The following CHODL variants were observed in gnomAD, a reference collection of about 807,000 sequenced individuals.
CHODL encodes the protein chondrolectin, also known as transmembrane protein MT75.
Under a neutral mutation model 34.5 loss-of-function variants are expected in CHODL, and 29 were observed. The observed-to-expected ratio is 0.84, with a 90% CI of 0.63 to 1.15. CHODL has a LOEUF of 1.15. Among genes scored for constraint, CHODL ranks in the 50% most tolerant of loss-of-function variants. The pLI is 0.00. For missense variants in CHODL, 332 were observed against 332.5 expected, an observed-to-expected ratio of 1.00 and a Z score of 0.01; for synonymous variants, 125 against 116.1, an observed-to-expected ratio of 1.08 and a Z score of -0.49.
At chr21:18,239,874 G>A (rs899096530), upstream of CHODL, among the ~76,000 whole-genome samples, 2 of 151,858 alleles carry the variant, frequency 1.3e-5, no homozygotes, top group African/African-American at 2.4e-5. Context: ...ATTAAATGAG[G>A]ATATAGCCAT....
chr21:18,124,599 TA>T (rs1284497050), intron 2 of CHODL, among the ~76,000 whole-genome samples: 1 of 152,198 alleles, frequency 6.6e-6, no homozygotes, highest in Non-Finnish European at 1.5e-5. Flanking sequence ...TTTTAAGATT[TA>T]AAAAATTTTC....
chr21:17,999,259 C>T (rs889084037), intron 1 of CHODL, among the ~76,000 whole-genome samples: 1 of 152,192 alleles, frequency 6.6e-6, no homozygotes, highest in Non-Finnish European at 1.5e-5. Context: ...TCAGCCTGGA[C>T]CTTATTGTTC....
intron 1 of CHODL, among the ~76,000 whole-genome samples, chr21:18,026,375 A>T (rs1321063201): frequency 2.6e-5 from 4 of 152,176 alleles, no homozygotes; most frequent in Admixed American, 2.0e-4. Flanking sequence ...AAATGCATTA[A>T]TAATTTCAAA....
At chr21:17,976,733 A>C (rs2063666109) in intron 1 of CHODL, among the ~76,000 whole-genome samples, 1 of 152,126 alleles carries the variant, frequency 6.6e-6, no homozygotes, top group East Asian at 1.9e-4. Flanking sequence ...TTTGTTTTTT[A>C]AATATATTCT....
At chr21:17,945,024 CAG>C (rs2063394537) in intron 1 of CHODL, among the ~76,000 whole-genome samples, 1 of 151,442 alleles carries the variant, frequency 6.6e-6, no homozygotes. Context: ...TCCTGGCTAA[CAG>C]GGTGAAACCC....
intron 1 of CHODL, among the ~76,000 whole-genome samples, chr21:17,939,166 A>G (rs2063343919): frequency 6.6e-6 from 1 of 152,182 alleles, no homozygotes; most frequent in South Asian, 2.1e-4. Context: ...ACAATGTTGT[A>G]CAGCAGATCT....
At chr21:18,077,912 A>G (rs2064886084) in intron 2 of CHODL, among the ~76,000 whole-genome samples, 1 of 152,210 alleles carries the variant, frequency 6.6e-6, no homozygotes, top group African/African-American at 2.4e-5. Flanking sequence ...AACCCCTGCT[A>G]GGGATGGACT....
intron 2 of CHODL, among the ~76,000 whole-genome samples, chr21:18,147,727 G>C (rs1196295444): frequency 6.6e-6 from 1 of 152,238 alleles, no homozygotes; most frequent in Non-Finnish European, 1.5e-5. Context: ...GCCATAGACA[G>C]TATGTAAACA....
At chr21:18,176,451 A>G (rs1175848160) in intron 2 of CHODL, among the ~76,000 whole-genome samples, 1 of 152,212 alleles carries the variant, frequency 6.6e-6, no homozygotes, top group Non-Finnish European at 1.5e-5. Flanking sequence ...AACAACAGAT[A>G]AAAATGAACA....
intron 1 of CHODL, among the ~76,000 whole-genome samples, chr21:17,937,260 G>A (rs1188788222): frequency 6.6e-6 from 1 of 152,182 alleles, no homozygotes; most frequent in Non-Finnish European, 1.5e-5. Context: ...GGTGAGAGCA[G>A]AGAAAAGAGA....
intron 1 of CHODL, among the ~76,000 whole-genome samples, chr21:17,980,322 AAT>A (rs2063703865): frequency 6.6e-6 from 1 of 152,176 alleles, no homozygotes; most frequent in Admixed American, 6.6e-5. Flanking sequence ...TGAAACAAAC[AAT>A]GTGTGGTTAC....
At chr21:17,936,958 C>G (rs916357935) in intron 1 of CHODL, among the ~76,000 whole-genome samples, 3 of 151,894 alleles carry the variant, frequency 2.0e-5, no homozygotes, top group South Asian at 2.1e-4. Context: ...TCTGTAATCC[C>G]AGCTACTCAG....
chr21:18,194,880 A>G (rs2073564167), intron 2 of CHODL, among the ~76,000 whole-genome samples: 1 of 152,058 alleles, frequency 6.6e-6, no homozygotes, highest in African/African-American at 2.4e-5. Flanking sequence ...GTTGTTTTGA[A>G]GTATGTATAT....
chr21:18,150,887 C>G (rs1481390916), intron 2 of CHODL, among the ~76,000 whole-genome samples: 1 of 151,832 alleles, frequency 6.6e-6, no homozygotes, highest in East Asian at 1.9e-4. Flanking sequence ...AGTTCAAGAC[C>G]AGCCTGGCCA....
intron 1 of CHODL, among the ~76,000 whole-genome samples, chr21:18,000,296 G>A (rs2063893212): frequency 6.6e-6 from 1 of 152,024 alleles, no homozygotes; most frequent in Non-Finnish European, 1.5e-5. Flanking sequence ...CACTACAAAG[G>A]TGAGATTCCC....
intron 2 of CHODL, among the ~76,000 whole-genome samples, chr21:18,062,288 A>AC (rs1447422090): frequency 6.6e-6 from 1 of 151,880 alleles, no homozygotes; most frequent in Non-Finnish European, 1.5e-5. Context: ...GCTCACTGCA[A>AC]CCTCTGCTTC....
intron 4 of CHODL, among the ~76,000 whole-genome samples, chr21:18,261,338 T>C (rs935787829): frequency 1.3e-5 from 2 of 149,984 alleles, no homozygotes; most frequent in East Asian, 3.9e-4. Flanking sequence ...TGTGCACATG[T>C]ACACTAAAAC....
intron 2 of CHODL, among the ~76,000 whole-genome samples, chr21:18,104,311 A>C (rs1404202375): frequency 2.0e-5 from 3 of 152,074 alleles, no homozygotes; most frequent in East Asian, 1.9e-4. Context: ...GTGAGTTCTC[A>C]TGAAAATCTG....
At chr21:18,162,297 G>A (rs538422623) in intron 2 of CHODL, among the ~76,000 whole-genome samples, 2 of 152,200 alleles carry the variant, frequency 1.3e-5, no homozygotes, top group East Asian at 3.9e-4. Context: ...GGGCCGTGAG[G>A]AAGAATTTGT....
Sources: gnomAD v4.1 joint callset for allele counts (sites outside exome capture counted in the v4.1 genomes callset) on GRCh38, gnomAD v4.1.1 for gene constraint, MANE v1.5 for transcripts, NCBI Gene and HGNC (gene_info 2026-07-23, HGNC 2026-07-21) for gene names.